PAK5: variants seen among roughly 807,000 people sequenced by gnomAD.
The protein encoded by PAK5 is serine/threonine-protein kinase PAK 5.
A neutral mutation model predicts 65.9 loss-of-function variants in PAK5; 16 were observed. The observed-to-expected ratio is 0.24, with a 90% CI of 0.16 to 0.37. The LOEUF is 0.37. Among genes scored for constraint, PAK5 ranks in the 10% least tolerant of loss-of-function variants. The probability of loss-of-function intolerance (pLI) is 1.00; values close to 1 mark genes in which losing one functional copy is unlikely to be tolerated. For missense variants in PAK5, 785 were observed against 903.9 expected (o/e 0.87, Z 1.69); for synonymous variants, 371 against 354.9 (o/e 1.05, Z -0.51).
chr20:9,796,566 A>G, intron 1 of PAK5, among the ~76,000 whole-genome samples: 1 of 152,112 alleles, frequency 6.6e-6, no homozygotes, highest in East Asian at 1.9e-4. Flanking sequence ...ATGTAGTAGG[A>G]AATTACTAAG....
chr20:9,671,174 T>C (rs1569031586), intron 2 of PAK5, among the ~76,000 whole-genome samples: 1 of 152,234 alleles, frequency 6.6e-6, no homozygotes. Flanking sequence ...TGGGTTACTG[T>C]AGCCTTGTAG....
intron 9 of PAK5, among the ~76,000 whole-genome samples, chr20:9,542,253 T>A (rs2045276899): frequency 6.6e-6 from 1 of 152,172 alleles, no homozygotes; most frequent in African/African-American, 2.4e-5. Flanking sequence ...CACGGTGACA[T>A]CCCAAGCTAT....
intron 3 of PAK5, among the ~76,000 whole-genome samples, chr20:9,628,010 C>T (rs2046870973): frequency 6.6e-6 from 1 of 152,104 alleles, no homozygotes; most frequent in South Asian, 2.1e-4. Context: ...AAATGGTATT[C>T]CTAAAATGAT....
intron 3 of PAK5, among the ~76,000 whole-genome samples, chr20:9,591,537 T>C (rs2046170686): frequency 6.6e-6 from 1 of 152,024 alleles, no homozygotes; most frequent in African/African-American, 2.4e-5. Flanking sequence ...GTCTTTGAAA[T>C]AATTAGCCTT....
chr20:9,794,200 G>T (rs2049080828), intron 1 of PAK5, among the ~76,000 whole-genome samples: 1 of 151,840 alleles, frequency 6.6e-6, no homozygotes, highest in Admixed American at 6.6e-5. Context: ...AGGGGAGGGA[G>T]AGCATTAGAA....
chr20:9,638,385 A>C (rs2047008514), intron 3 of PAK5, among the ~76,000 whole-genome samples: 1 of 152,242 alleles, frequency 6.6e-6, no homozygotes, highest in Non-Finnish European at 1.5e-5. Flanking sequence ...AAGTTTGGGC[A>C]CACAAACTGT....
intron 9 of PAK5, 61 bp from the exon 10 acceptor site, chr20:9,539,678 A>G: frequency 1.4e-6 from 2 of 1,425,218 alleles, no homozygotes; most frequent in Non-Finnish European, 9.8e-7. Context: ...CAGTCCCCAA[A>G]ATGTTTTCCC....
At chr20:9,627,800 T>A (rs909683646) in intron 3 of PAK5, among the ~76,000 whole-genome samples, 1 of 151,966 alleles carries the variant, frequency 6.6e-6, no homozygotes. Context: ...CTAATTTTTG[T>A]AAATTTAGTA....
chr20:9,561,031 T>A (rs117712158), intron 6 of PAK5, among the ~76,000 whole-genome samples: 2 of 152,344 alleles, frequency 1.3e-5, no homozygotes, highest in East Asian at 3.9e-4. Context: ...GATCAATAAA[T>A]CATTCAGTAA....
intron 2 of PAK5, among the ~76,000 whole-genome samples, chr20:9,681,526 C>T (rs1329165440): frequency 6.6e-6 from 1 of 152,034 alleles, no homozygotes; most frequent in Non-Finnish European, 1.5e-5. Flanking sequence ...CTTCTATTAG[C>T]TAGATAATTG....
chr20:9,688,365 C>T (rs1253710641), intron 2 of PAK5, among the ~76,000 whole-genome samples: 1 of 151,936 alleles, frequency 6.6e-6, no homozygotes, highest in African/African-American at 2.4e-5. Context: ...TCTTTAAACT[C>T]GAGCGGCTTC....
chr20:9,793,653 G>A (rs150750589), intron 1 of PAK5, among the ~76,000 whole-genome samples: 518 of 152,184 alleles, frequency 3.4e-3, no homozygotes, highest in Non-Finnish European at 5.3e-3. Flanking sequence ...CAGTCAGAAT[G>A]ATGATTATTA....
intron 1 of PAK5, among the ~76,000 whole-genome samples, chr20:9,777,831 C>T (rs1490482702): frequency 6.6e-6 from 1 of 151,986 alleles, no homozygotes; most frequent in African/African-American, 2.4e-5. Flanking sequence ...TGGGAAAAAT[C>T]CCATTAAAAA....
chr20:9,582,205 T>C (rs569285533), intron 3 of PAK5, among the ~76,000 whole-genome samples: 111 of 152,326 alleles, frequency 7.3e-4, no homozygotes, highest in Non-Finnish European at 1.3e-3. Context: ...CATGTTCCTA[T>C]AGATTTCATT....
chr20:9,658,834 T>C (rs2047305466), intron 2 of PAK5, among the ~76,000 whole-genome samples: 1 of 152,136 alleles, frequency 6.6e-6, no homozygotes, highest in Non-Finnish European at 1.5e-5. Context: ...CACAATTGGC[T>C]CTCACAAGCT....
At chr20:9,731,518 G>A (rs1018600557) in intron 1 of PAK5, among the ~76,000 whole-genome samples, 1 of 152,126 alleles carries the variant, frequency 6.6e-6, no homozygotes. Flanking sequence ...TTCAAGTCTA[G>A]AGGAACTCTG....
At chr20:9,633,279 TG>T (rs2046944950) in intron 3 of PAK5, among the ~76,000 whole-genome samples, 2 of 152,090 alleles carry the variant, frequency 1.3e-5, no homozygotes, top group South Asian at 4.1e-4. Flanking sequence ...ATTCAAGGGA[TG>T]GGGAAGTACT....
At chr20:9,775,336 T>C (rs957391377) in intron 1 of PAK5, among the ~76,000 whole-genome samples, 5 of 152,164 alleles carry the variant, frequency 3.3e-5, no homozygotes, top group African/African-American at 1.2e-4. Context: ...GCTTGGTAAA[T>C]TCTTCGCTCA....
intron 7 of PAK5, among the ~76,000 whole-genome samples, chr20:9,548,339 A>T (rs941138271): frequency 1.3e-5 from 2 of 151,766 alleles, no homozygotes; most frequent in African/African-American, 4.8e-5. Flanking sequence ...CATCCTCCAG[A>T]ATTCTCAGGA....
Sources: gnomAD v4.1 joint callset for allele counts (sites outside exome capture counted in the v4.1 genomes callset) on GRCh38, gnomAD v4.1.1 for gene constraint, MANE v1.5 for transcripts, NCBI Gene and HGNC (gene_info 2026-07-23, HGNC 2026-07-21) for gene names.